The following COA1 variants were observed in gnomAD, a reference collection of about 807,000 sequenced individuals.
COA1 encodes cytochrome c oxidase assembly factor 1 homolog.
Under a neutral mutation model 16.0 loss-of-function variants are expected in COA1, and 13 were observed. The observed-to-expected ratio is 0.81, with a 90% CI of 0.53 to 1.29. The LOEUF (loss-of-function observed/expected upper bound fraction) is 1.29. COA1 is among the 50% of genes most tolerant of loss of function. The probability of loss-of-function intolerance (pLI) is 0.00; values close to 1 mark genes in which losing one functional copy is unlikely to be tolerated. For synonymous variants in COA1, 65 were observed against 65.7 expected (o/e 0.99, Z 0.05); for missense variants, 179 against 177.0 (o/e 1.01, Z -0.06).
At chr7:43,676,701 G>A (rs1322516079) in intron 1 of COA1, among the ~76,000 whole-genome samples, 1 of 152,020 alleles carries the variant, frequency 6.6e-6, no homozygotes, top group Non-Finnish European at 1.5e-5. Flanking sequence ...TTTAGATGAT[G>A]GATATGCTAA....
intron 1 of COA1, among the ~76,000 whole-genome samples, chr7:43,655,484 T>C (rs1255258026): frequency 6.6e-6 from 1 of 152,048 alleles, no homozygotes; most frequent in African/African-American, 2.4e-5. Flanking sequence ...AACCCCCATC[T>C]CTACTAAAAA....
intron 1 of COA1, among the ~76,000 whole-genome samples, chr7:43,662,176 A>C (rs1441693046): frequency 6.6e-6 from 1 of 152,232 alleles, no homozygotes; most frequent in Non-Finnish European, 1.5e-5. Context: ...AAAGCTATGA[A>C]CATGCTCCTC....
chr7:43,613,990 CA>C (rs1312836340), intron 6 of COA1, among the ~76,000 whole-genome samples: 1 of 152,104 alleles, frequency 6.6e-6, no homozygotes, highest in Non-Finnish European at 1.5e-5. Context: ...AACAGTCCCC[CA>C]AATTAATTTA....
intron 1 of COA1, among the ~76,000 whole-genome samples, chr7:43,713,234 G>A (rs990242410): frequency 4.6e-5 from 7 of 152,126 alleles, no homozygotes; most frequent in Non-Finnish European, 1.0e-4. Flanking sequence ...ATACAGGCAT[G>A]AGCCACCATG....
intron 1 of COA1, among the ~76,000 whole-genome samples, chr7:43,667,037 T>C (rs1044344280): frequency 4.6e-5 from 7 of 152,218 alleles, no homozygotes; most frequent in Admixed American, 1.3e-4. Context: ...TTAGAAGCAA[T>C]GATCTATAAG....
intron 1 of COA1, among the ~76,000 whole-genome samples, chr7:43,681,528 C>T (rs2093767856): frequency 6.6e-6 from 1 of 152,178 alleles, no homozygotes; most frequent in Non-Finnish European, 1.5e-5. Context: ...ACACAGATTT[C>T]TTTCATAGTC....
chr7:43,660,741 T>TC (rs1210797233), intron 1 of COA1, among the ~76,000 whole-genome samples: 1 of 152,174 alleles, frequency 6.6e-6, no homozygotes. Context: ...GTCTTTATCC[T>TC]CCAAATGCCC....
chr7:43,661,623 C>T (rs1048775965), intron 1 of COA1, among the ~76,000 whole-genome samples: 4 of 134,852 alleles, frequency 3.0e-5, no homozygotes, highest in East Asian at 4.2e-4. Context: ...GGCGATAGAG[C>T]GAGACTCCAT....
intron 1 of COA1, among the ~76,000 whole-genome samples, chr7:43,656,329 A>C (rs370846441): frequency 5.8e-4 from 89 of 152,354 alleles, no homozygotes; most frequent in African/African-American, 2.1e-3. Flanking sequence ...AAAGCAAAGA[A>C]AGACTTAAAA....
intron 4 of COA1, chr7:43,640,874 AAGG>A (rs1314883168): frequency 2.1e-6 from 1 of 473,414 alleles, no homozygotes; most frequent in Non-Finnish European, 3.7e-6. Context: ...TCCATTTGGC[AAGG>A]AGGACTCCTA....
At chr7:43,681,793 C>T (rs2093780595) in intron 1 of COA1, among the ~76,000 whole-genome samples, 1 of 152,212 alleles carries the variant, frequency 6.6e-6, no homozygotes, top group Non-Finnish European at 1.5e-5. Context: ...TTCATTCCTA[C>T]ATCAACAGGA....
rs10480185 is a variant in COA1 at position 43,717,317 on chromosome 7, C to T, written c.-39+12112G>A. Among the ~76,000 whole-genome samples, 59 of 152,170 alleles carry T rather than the reference C, an allele frequency of 3.9e-4. 1 individual carries two copies. Among genetic ancestry groups the T allele is most frequent in the Non-Finnish European group, 3.8e-4 (26 of 67,990 alleles). ...TGCAAAGCCACAGGGGTGGAGCTAC[C>T]CAAGACCATAGGCAGCTCCAACAGC... On this transcript the variant is annotated intron_variant, in intron 1 of 5. Transcript: ENST00000223336.
intron 6 of COA1, chr7:43,622,980 C>T (rs2084078587): frequency 6.6e-6 from 1 of 152,350 alleles, no homozygotes; most frequent in Admixed American, 6.5e-5. Flanking sequence ...GGGTACCCAG[C>T]CTCAAAGCAT....
At position 43,684,991 on chromosome 7, in the gene COA1, C is replaced by T. The variant is rs577171805; in HGVS notation, c.-38-36339G>A. On this transcript the variant is annotated intron_variant, in intron 1 of 5. Transcript: ENST00000223336. ...AGGCTAGTTTTTCTAGCAGTGAAAA[C>T]TAGCTCACTAGTTAGTGAGCAGTGG... is the stretch of plus-strand genomic sequence containing the variant. Among the ~76,000 whole-genome samples, 4 of 152,112 alleles carry T rather than the reference C, an allele frequency of 2.6e-5. No homozygotes were observed. In the East Asian group the frequency reaches 7.7e-4, roughly 29 times the overall value.
At chr7:43,720,068 C>A (rs543577287) in intron 1 of COA1, among the ~76,000 whole-genome samples, 1 of 152,230 alleles carries the variant, frequency 6.6e-6, no homozygotes, top group Non-Finnish European at 1.5e-5. Context: ...CACTTGAGGT[C>A]AGGAGTTCAA....
At chr7:43,726,169 GT>G (rs558133873) in intron 1 of COA1, among the ~76,000 whole-genome samples, 27 of 152,130 alleles carry the variant, frequency 1.8e-4, no homozygotes, top group Non-Finnish European at 3.4e-4. Flanking sequence ...CTTGGAGTCT[GT>G]TTAAAATAGA....
rs138770666 is a variant in COA1 at position 43,639,587 on chromosome 7, C to G, written c.436G>C (p.Glu146Gln). 1.9e-6 allele frequency: 3 copies of G among 1,613,398 alleles called. No individual in the cohort carries two copies. In the African/African-American group the frequency reaches 4.0e-5, roughly 22 times the overall value. The change falls in exon 6 of 6, where the codon GAG (glutamate) becomes CAG (glutamine). Residue 146 changes from glutamate (E) to glutamine (Q), a missense_variant. Physicochemically the swap from Glu to Gln is conservative, Grantham distance 29 (BLOSUM62 2). Coordinates refer to ENST00000223336, the MANE Select transcript of COA1 (RefSeq NM_018224.4). ...SGENGDEVKK[E>Q] is the part of the protein sequence containing the mutation. ...CTGGGTCTTCTGGGTCGTCTCTACT[C>G]CTTTTTCACTTCATCACCGTTTTCC... is the stretch of plus-strand genomic sequence containing the variant.
At chr7:43,704,453 A>G (rs375880194) in intron 1 of COA1, among the ~76,000 whole-genome samples, 3 of 152,200 alleles carry the variant, frequency 2.0e-5, no homozygotes, top group South Asian at 4.1e-4. Flanking sequence ...AGGAATGCCA[A>G]TGAGTCACAG....
chr7:43,680,607 CAGAG>C (rs1007726130), intron 1 of COA1, among the ~76,000 whole-genome samples: 2 of 152,166 alleles, frequency 1.3e-5, no homozygotes, highest in African/African-American at 4.8e-5. Context: ...TTGAGACAGA[CAGAG>C]ATTTATTTTC....
Sources: allele counts gnomAD v4.1 joint callset (sites outside exome capture counted in the v4.1 genomes callset), GRCh38; gene constraint gnomAD v4.1.1; transcripts MANE v1.5; gene names NCBI Gene and HGNC (gene_info 2026-07-23, HGNC 2026-07-21).